LTBP1: variants seen among roughly 807,000 people sequenced by gnomAD.
LTBP1 encodes latent-transforming growth factor beta-binding protein 1.
In LTBP1, 129 loss-of-function variants were observed where a neutral mutation model predicts 207.6. That is an observed-to-expected ratio of 0.62 (90% CI 0.54 to 0.72). LTBP1 has a LOEUF of 0.72. LTBP1 is among the 30% of genes least tolerant of loss of function. The pLI is 0.00. For missense variants in LTBP1, 2,281 were observed against 2,217.2 expected (o/e 1.03, Z -0.58); for synonymous variants, 963 against 833.7 (o/e 1.16, Z -2.67).
chr2:33,045,125 C>A (rs968114106), intron 3 of LTBP1, among the ~76,000 whole-genome samples: 6 of 152,098 alleles, frequency 3.9e-5, no homozygotes, highest in Non-Finnish European at 7.4e-5. Flanking sequence ...TAATTAGATC[C>A]CATTTGTCAA....
chr2:32,959,621 A>ATATT (rs1475834284), intron 2 of LTBP1, among the ~76,000 whole-genome samples: 22 of 36,670 alleles, frequency 6.0e-4, no homozygotes, highest in East Asian at 1.4e-3. Context: ...ATATATATAT[A>ATATT]TTTTTTTTTT....
At chr2:33,158,103 T>C (rs868029480) in intron 5 of LTBP1, among the ~76,000 whole-genome samples, 1 of 128,748 alleles carries the variant, frequency 7.8e-6, no homozygotes, top group East Asian at 2.4e-4. Context: ...GCCATTGCAC[T>C]CCAGCCTGGG....
At chr2:33,150,710 C>CTTTTTTTTTTTT (rs1176008947) in intron 5 of LTBP1, among the ~76,000 whole-genome samples, 50 of 69,288 alleles carry the variant, frequency 7.2e-4, no homozygotes, top group Admixed American at 8.3e-4. Context: ...TTTTCTTTTT[C>CTTTTTTTTTTTT]TTTTTTTTTT....
chr2:33,223,054 G>C (rs895278173), intron 9 of LTBP1, among the ~76,000 whole-genome samples: 2 of 152,126 alleles, frequency 1.3e-5, no homozygotes, highest in Non-Finnish European at 2.9e-5. Flanking sequence ...GTGTTCTGAG[G>C]CTCTGTATCC....
intron 7 of LTBP1, among the ~76,000 whole-genome samples, chr2:33,200,514 A>G (rs1183515981): frequency 2.0e-5 from 3 of 152,256 alleles, no homozygotes; most frequent in African/African-American, 7.2e-5. Flanking sequence ...ACCTAAAACC[A>G]TAAAAACCCT....
At position 32,997,175 on chromosome 2, in the gene LTBP1, G is replaced by A. The variant is rs76729617; in HGVS notation, c.566-23734G>A. On this transcript the variant is annotated intron_variant, in intron 2 of 33. Transcript: ENST00000404816. ...GCTGGGATTACAGGTGTGAGCTACTGCACCCGGCCTGGATGGAACTTAATC... is the reference window on the plus strand; with the variant it reads ...GCTGGGATTACAGGTGTGAGCTACTACACCCGGCCTGGATGGAACTTAATC... 2.6e-5 allele frequency among the ~76,000 whole-genome samples: 4 copies of A among 152,066 alleles called. No individual in the cohort carries two copies. In the East Asian group the frequency reaches 5.8e-4, roughly 22 times the overall value.
At chr2:33,058,922 G>C (rs895672819) in intron 3 of LTBP1, among the ~76,000 whole-genome samples, 3 of 152,226 alleles carry the variant, frequency 2.0e-5, no homozygotes, top group South Asian at 2.1e-4. Context: ...GTTGGAAAAT[G>C]TGTGATGCTG....
intron 15 of LTBP1, among the ~76,000 whole-genome samples, chr2:33,272,174 G>C (rs2093335312): frequency 6.6e-6 from 1 of 152,164 alleles, no homozygotes; most frequent in African/African-American, 2.4e-5. Context: ...ATGTGGTTTT[G>C]GTTTCGGAGA....
chr2:32,991,954 A>G (rs993384720), intron 2 of LTBP1, among the ~76,000 whole-genome samples: 1 of 152,198 alleles, frequency 6.6e-6, no homozygotes, highest in Non-Finnish European at 1.5e-5. Context: ...ATTTGCTGGT[A>G]TTATTGGTCT....
At chr2:33,020,365 A>G (rs2075105620) in intron 2 of LTBP1, among the ~76,000 whole-genome samples, 1 of 152,108 alleles carries the variant, frequency 6.6e-6, no homozygotes, top group Non-Finnish European at 1.5e-5. Context: ...TCTTGGCAAA[A>G]AATTTAGGCT....
intron 5 of LTBP1, among the ~76,000 whole-genome samples, chr2:33,177,811 A>G (rs2086211797): frequency 6.6e-6 from 1 of 152,262 alleles, no homozygotes; most frequent in Non-Finnish European, 1.5e-5. Context: ...GCATACCTGT[A>G]TGAAGGCTGT....
At chr2:33,260,664 AT>A (rs2092986406) in intron 13 of LTBP1, among the ~76,000 whole-genome samples, 1 of 152,226 alleles carries the variant, frequency 6.6e-6, no homozygotes, top group African/African-American at 2.4e-5. Flanking sequence ...AGACCAAAAA[AT>A]GTATAACAGA....
chr2:33,045,192 C>T (rs2076386706), intron 3 of LTBP1, among the ~76,000 whole-genome samples: 1 of 152,088 alleles, frequency 6.6e-6, no homozygotes, highest in South Asian at 2.1e-4. Context: ...TTTGCCCATG[C>T]CTATGTCCTG....
At chr2:32,956,366 A>G (rs1274540803) in intron 2 of LTBP1, among the ~76,000 whole-genome samples, 1 of 152,214 alleles carries the variant, frequency 6.6e-6, no homozygotes, top group Non-Finnish European at 1.5e-5. Context: ...CTATGTTTAT[A>G]TAAAATTATA....
chr2:33,139,222 C>G (rs1572816603), intron 5 of LTBP1, among the ~76,000 whole-genome samples: 1 of 152,002 alleles, frequency 6.6e-6, no homozygotes, highest in Non-Finnish European at 1.5e-5. Context: ...ATGGTACTAT[C>G]CATAATTGGC....
chr2:33,035,894 GT>G (rs1462501263), intron 3 of LTBP1, among the ~76,000 whole-genome samples: 1 of 152,140 alleles, frequency 6.6e-6, no homozygotes, highest in African/African-American at 2.4e-5. Context: ...TAAAAACACT[GT>G]TGTCATTATC....
intron 3 of LTBP1, among the ~76,000 whole-genome samples, chr2:33,035,321 G>A (rs1341992730): frequency 1.3e-5 from 2 of 152,182 alleles, no homozygotes; most frequent in African/African-American, 4.8e-5. Flanking sequence ...TTGATATGGA[G>A]ATGAGAAGTA....
intron 2 of LTBP1, among the ~76,000 whole-genome samples, chr2:32,954,085 C>G (rs1015448364): frequency 1.3e-5 from 2 of 152,186 alleles, no homozygotes; most frequent in Non-Finnish European, 1.5e-5. Context: ...CTATTCCAGA[C>G]AGTGGGGCAG....
intron 8 of LTBP1, among the ~76,000 whole-genome samples, chr2:33,218,119 A>C (rs1479493705): frequency 6.6e-6 from 1 of 152,232 alleles, no homozygotes; most frequent in Non-Finnish European, 1.5e-5. Context: ...GAAAGCTAAA[A>C]TGGAGAAATA....
Sources: allele counts gnomAD v4.1 joint callset (sites outside exome capture counted in the v4.1 genomes callset), GRCh38; gene constraint gnomAD v4.1.1; transcripts MANE v1.5; gene names NCBI Gene and HGNC (gene_info 2026-07-23, HGNC 2026-07-21).